The following AGBL4 variants were observed in gnomAD, a reference collection of about 807,000 sequenced individuals.
AGBL4 encodes cytosolic carboxypeptidase 6.
A neutral mutation model predicts 66.4 loss-of-function variants in AGBL4; 58 were observed. The observed-to-expected ratio is 0.87, with a 90% CI of 0.71 to 1.09. The LOEUF (loss-of-function observed/expected upper bound fraction) is 1.09. Among genes scored for constraint, AGBL4 ranks in the 50% least tolerant of loss-of-function variants. The probability of loss-of-function intolerance (pLI) is 0.00; values close to 1 mark genes in which losing one functional copy is unlikely to be tolerated. For synonymous variants in AGBL4, 234 were observed against 222.9 expected (o/e 1.05, Z -0.44); for missense variants, 579 against 631.0 (o/e 0.92, Z 0.88).
At chr1:49,039,537 CAACA>C (rs1302638342) in intron 5 of AGBL4, among the ~76,000 whole-genome samples, 13 of 151,986 alleles carry the variant, frequency 8.6e-5, no homozygotes, top group Non-Finnish European at 1.9e-4. Flanking sequence ...AACAAACAAA[CAACA>C]AACAAACTGA....
At chr1:49,653,108 A>G (rs1289914909) in intron 3 of AGBL4, among the ~76,000 whole-genome samples, 1 of 152,126 alleles carries the variant, frequency 6.6e-6, no homozygotes, top group Admixed American at 6.5e-5. Context: ...CTCCTACAGT[A>G]AGGAACAGGC....
chr1:48,755,212 C>T lies in AGBL4; in HGVS notation c.635-91971G>A, dbSNP rs141583695. On this transcript the variant is annotated intron_variant, in intron 6 of 13. Transcript: ENST00000371839. ...CGCCATTACAACTCCTGGCTGCTGACGGACCTGCTTCCCACTCTGAGTCCC... is the reference window on the plus strand; with the variant it reads ...CGCCATTACAACTCCTGGCTGCTGATGGACCTGCTTCCCACTCTGAGTCCC... Among the ~76,000 whole-genome samples the T allele has an allele frequency of 2.6e-3, 390 of 152,294 alleles. 3 individuals carry two copies. Among genetic ancestry groups the T allele is most frequent in the African/African-American group, 9.0e-3 (375 of 41,558 alleles).
intron 5 of AGBL4, among the ~76,000 whole-genome samples, chr1:48,898,852 G>C (rs1196499501): frequency 6.6e-6 from 1 of 152,194 alleles, no homozygotes; most frequent in East Asian, 1.9e-4. Context: ...ATCCAGAGCT[G>C]AAGAGTTTTC....
At chr1:48,591,637 A>C (rs1008047445) in intron 9 of AGBL4, among the ~76,000 whole-genome samples, 1 of 152,258 alleles carries the variant, frequency 6.6e-6, no homozygotes, top group Admixed American at 6.5e-5. Flanking sequence ...TGTATATATA[A>C]TGCATGCCCA....
chr1:49,378,320 T>C (rs774589551), intron 3 of AGBL4, among the ~76,000 whole-genome samples: 11 of 152,102 alleles, frequency 7.2e-5, no homozygotes, highest in Non-Finnish European at 1.2e-4. Context: ...TTCTTTGTGA[T>C]CTGGGGACGT....
At chr1:49,115,002 T>A (rs1319087698) in intron 4 of AGBL4, among the ~76,000 whole-genome samples, 1 of 151,916 alleles carries the variant, frequency 6.6e-6, no homozygotes, top group Non-Finnish European at 1.5e-5. Context: ...GTTGGAAAAA[T>A]GATGCCAATA....
At chr1:49,330,360 TGGGCCAAGATGGCGCTC>T (rs1215380438) in intron 3 of AGBL4, among the ~76,000 whole-genome samples, 1 of 152,178 alleles carries the variant, frequency 6.6e-6, no homozygotes, top group Non-Finnish European at 1.5e-5. Context: ...GAGATGGCAG[TGGGCCAAGATGGCGCTC>T]CACTCTGCAC....
chr1:49,718,481 G>T (rs1297034771), intron 2 of AGBL4, among the ~76,000 whole-genome samples: 1 of 151,956 alleles, frequency 6.6e-6, no homozygotes, highest in African/African-American at 2.4e-5. Context: ...AGCAATGTAA[G>T]AACAGACTAA....
At chr1:48,931,624 G>A (rs914595479) in intron 5 of AGBL4, among the ~76,000 whole-genome samples, 1 of 151,914 alleles carries the variant, frequency 6.6e-6, no homozygotes, top group Non-Finnish European at 1.5e-5. Context: ...TGCTCAAATG[G>A]TCCTTAGACC....
intron 3 of AGBL4, among the ~76,000 whole-genome samples, chr1:49,391,803 T>C (rs1363577133): frequency 2.0e-5 from 3 of 152,014 alleles, no homozygotes; most frequent in South Asian, 2.1e-4. Flanking sequence ...CCTCGTGATC[T>C]GCCCACCTTG....
chr1:49,697,045 G>T (rs981708289), intron 3 of AGBL4, among the ~76,000 whole-genome samples: 10 of 152,010 alleles, frequency 6.6e-5, no homozygotes, highest in Non-Finnish European at 1.0e-4. Flanking sequence ...TGTCCCTCAA[G>T]GAATCCTAAC....
intron 2 of AGBL4, among the ~76,000 whole-genome samples, chr1:49,818,505 T>C (rs1645287620): frequency 6.6e-6 from 1 of 151,860 alleles, no homozygotes; most frequent in Non-Finnish European, 1.5e-5. Flanking sequence ...GCTGGAATTA[T>C]AGGTGCATGC....
intron 3 of AGBL4, among the ~76,000 whole-genome samples, chr1:49,377,485 T>C (rs998855788): frequency 6.6e-6 from 1 of 152,064 alleles, no homozygotes; most frequent in Non-Finnish European, 1.5e-5. Flanking sequence ...TATAGTGCTC[T>C]TTTGCTTTTA....
At chr1:49,873,791 C>T (rs982753270) in intron 1 of AGBL4, among the ~76,000 whole-genome samples, 1 of 151,898 alleles carries the variant, frequency 6.6e-6, no homozygotes, top group African/African-American at 2.4e-5. Flanking sequence ...TTCTTCCAGG[C>T]GTGCCCTTTA....
At chr1:48,573,755 C>G (rs1644605867) in intron 11 of AGBL4, among the ~76,000 whole-genome samples, 1 of 152,092 alleles carries the variant, frequency 6.6e-6, no homozygotes, top group Non-Finnish European at 1.5e-5. Context: ...TTCTGATAAC[C>G]TAGGAATTTA....
rs970233841 is a variant in AGBL4 at position 49,848,379 on chromosome 1, T to C, written c.157+3017A>G. Among the ~76,000 whole-genome samples, 6 of 152,208 alleles carry C rather than the reference T, an allele frequency of 3.9e-5. No homozygotes were observed. The South Asian group carries it at 1.0e-3, about 26-fold the overall frequency. On this transcript the variant is annotated intron_variant, in intron 2 of 13. Transcript: ENST00000371839. ...AAAGTTACTTGCACTCCAATGTTTATTACAATACTATTCACAATAGCAAAG... is the reference window on the plus strand; with the variant it reads ...AAAGTTACTTGCACTCCAATGTTTACTACAATACTATTCACAATAGCAAAG...
intron 3 of AGBL4, among the ~76,000 whole-genome samples, chr1:49,568,133 T>A (rs75648029): frequency 0.02 from 3,048 of 152,108 alleles, 118 homozygotes; most frequent in African/African-American, 0.07. Flanking sequence ...TTGGAATACC[T>A]GGCCAGAGCA....
At chr1:49,524,027 T>C (rs1003083558) in intron 3 of AGBL4, among the ~76,000 whole-genome samples, 1 of 152,090 alleles carries the variant, frequency 6.6e-6, no homozygotes, top group African/African-American at 2.4e-5. Flanking sequence ...GCTTGCTATG[T>C]GGCAAGCACT....
chr1:49,750,629 G>C (rs554222924), intron 2 of AGBL4, among the ~76,000 whole-genome samples: 19 of 152,318 alleles, frequency 1.2e-4, no homozygotes, highest in African/African-American at 4.3e-4. Flanking sequence ...TGTGAAGAAA[G>C]TCAATGGTAA....
Sources: gnomAD v4.1 joint callset for allele counts (sites outside exome capture counted in the v4.1 genomes callset) on GRCh38, gnomAD v4.1.1 for gene constraint, MANE v1.5 for transcripts, NCBI Gene and HGNC (gene_info 2026-07-23, HGNC 2026-07-21) for gene names.